The following PLCH1 variants were observed in gnomAD, a reference collection of about 807,000 sequenced individuals.
PLCH1 encodes 1-phosphatidylinositol 4,5-bisphosphate phosphodiesterase eta-1.
In PLCH1, 60 loss-of-function variants were observed where a neutral mutation model predicts 126.7. The observed-to-expected ratio is 0.47, with a 90% CI of 0.38 to 0.59. PLCH1 has a LOEUF of 0.59. Ranked by LOEUF, PLCH1 falls within the 20% of genes least tolerant of loss-of-function variation. The pLI is 0.00. For missense variants in PLCH1, 1,723 were observed against 2,040.0 expected (o/e 0.84, Z 2.99); for synonymous variants, 719 against 734.9 (o/e 0.98, Z 0.35).
chr3:155,704,948 A>G (rs1412185135), intron 1 of PLCH1, among the ~76,000 whole-genome samples: 1 of 152,214 alleles, frequency 6.6e-6, no homozygotes, highest in Non-Finnish European at 1.5e-5. Context: ...AACAACTTGA[A>G]AAGCAGAGAT....
chr3:155,485,056 A>G (rs986971015), intron 22 of PLCH1, among the ~76,000 whole-genome samples: 3 of 152,176 alleles, frequency 2.0e-5, no homozygotes, highest in South Asian at 2.1e-4. Flanking sequence ...TGGAAAATCA[A>G]TATTTCAAAT....
chr3:155,693,471 CAAAAAA>C (rs1227159940), intron 2 of PLCH1, among the ~76,000 whole-genome samples: 1 of 10,354 alleles, frequency 9.7e-5, no homozygotes, highest in Non-Finnish European at 1.3e-4. Flanking sequence ...GACTCCGTCT[CAAAAAA>C]AAAAAAAAAA....
chr3:155,591,074 C>T (rs189238805), intron 4 of PLCH1, among the ~76,000 whole-genome samples: 2 of 152,128 alleles, frequency 1.3e-5, no homozygotes, highest in East Asian at 3.9e-4. Context: ...AAACTTTTAA[C>T]CAACAAAGCA....
intron 2 of PLCH1, among the ~76,000 whole-genome samples, chr3:155,696,038 TGA>T (rs1745767744): frequency 6.6e-6 from 1 of 152,134 alleles, no homozygotes; most frequent in Non-Finnish European, 1.5e-5. Context: ...GATGGACATC[TGA>T]GTATTCGGCA....
chr3:155,571,888 G>A (rs1729279220), intron 6 of PLCH1, among the ~76,000 whole-genome samples: 1 of 152,176 alleles, frequency 6.6e-6, no homozygotes, highest in Non-Finnish European at 1.5e-5. Context: ...AATATATGGT[G>A]TTTAAATTAT....
At chr3:155,724,539 T>C (rs1208368087) in intron 1 of PLCH1, among the ~76,000 whole-genome samples, 2 of 152,222 alleles carry the variant, frequency 1.3e-5, no homozygotes, top group African/African-American at 4.8e-5. Context: ...AAGTTTGTTT[T>C]ATCTGATATA....
chr3:155,562,627 T>C (rs527343117), intron 8 of PLCH1, among the ~76,000 whole-genome samples: 1 of 152,316 alleles, frequency 6.6e-6, no homozygotes, highest in East Asian at 1.9e-4. Context: ...GAAATCAGCT[T>C]GGGCTTCCCT....
intron 12 of PLCH1, among the ~76,000 whole-genome samples, chr3:155,505,960 G>A (rs907281907): frequency 6.6e-6 from 1 of 151,484 alleles, no homozygotes. Flanking sequence ...TTCTAGTAGG[G>A]ACTATGCCAT....
intron 2 of PLCH1, among the ~76,000 whole-genome samples, chr3:155,681,369 C>T (rs1318351148): frequency 1.3e-5 from 2 of 152,116 alleles, no homozygotes; most frequent in Admixed American, 1.3e-4. Context: ...CCTTACAATG[C>T]CCTTTTGAGT....
chr3:155,734,457 C>T (rs997269155), intron 1 of PLCH1, among the ~76,000 whole-genome samples: 1 of 151,906 alleles, frequency 6.6e-6, no homozygotes, highest in Non-Finnish European at 1.5e-5. Context: ...GAGACCCTAT[C>T]TCAAAATAAA....
chr3:155,472,494 G>A lies in PLCH1; in HGVS notation c.2938+12862C>T, dbSNP rs1713314244. ...ATGGATTCACAGCCGAATTCTACCA[G>A]AGGTACAAGGAGGAACTGGTACCAT... On this transcript the variant is annotated intron_variant, in intron 21 of 21. Transcript: ENST00000494598. Among the ~76,000 whole-genome samples, 3 of 150,938 alleles carry A rather than the reference G, an allele frequency of 2.0e-5. No homozygotes were observed. In the East Asian group the frequency reaches 5.8e-4, roughly 29 times the overall value.
chr3:155,684,322 C>A (rs1012836942), intron 2 of PLCH1, among the ~76,000 whole-genome samples: 10 of 152,110 alleles, frequency 6.6e-5, no homozygotes, highest in Non-Finnish European at 1.5e-4. Context: ...AACACAACAG[C>A]CACATCTCTG....
intron 12 of PLCH1, among the ~76,000 whole-genome samples, chr3:155,512,332 A>G (rs1719690323): frequency 6.6e-6 from 1 of 152,190 alleles, no homozygotes; most frequent in Admixed American, 6.5e-5. Context: ...AACTTGGCAT[A>G]TACATAACGA....
rs765707080 is a variant in PLCH1 at position 155,482,848 on chromosome 3, A to G, written c.3178T>C (p.Ser1060Pro). 2 of 1,613,952 alleles carry G rather than the reference A, an allele frequency of 1.2e-6. No homozygotes were observed. The highest frequency in any genetic ancestry group is 2.7e-5 in the African/African-American group (2 of 74,948). Residue 1060 changes from serine (S) to proline (P), a missense_variant, in exon 23 of 23, where the codon TCA (serine) becomes CCA (proline). Physicochemically the swap from Ser to Pro is moderately conservative, Grantham distance 74 (BLOSUM62 -1). Coordinates refer to ENST00000460012, the MANE Select transcript of PLCH1 (RefSeq NM_014996.4). ...MSSPRGGRTT[S>P]NATSNCQENP... Reference sequence around the variant, plus strand: ...TCCTGGCAATTGCTTGTGGCATTTGATGTGGTTCTCCCACCCCTAGGACTT... The same window carrying G: ...TCCTGGCAATTGCTTGTGGCATTTGGTGTGGTTCTCCCACCCCTAGGACTT...
chr3:155,543,477 C>T (rs1467874850), intron 10 of PLCH1, among the ~76,000 whole-genome samples: 1 of 152,154 alleles, frequency 6.6e-6, no homozygotes, highest in Admixed American at 6.5e-5. Context: ...GGATATTATC[C>T]AGGAGAACTT....
intron 1 of PLCH1, among the ~76,000 whole-genome samples, chr3:155,739,737 A>AGTCTGTTCCACGTTC (rs1342632705): frequency 1.3e-5 from 2 of 152,234 alleles, no homozygotes; most frequent in Non-Finnish European, 2.9e-5. Flanking sequence ...TCAAATTCCA[A>AGTCTGTTCCACGTTC]GTCTGTTCCA....
intron 15 of PLCH1, among the ~76,000 whole-genome samples, chr3:155,495,593 A>T (rs1466787911): frequency 6.6e-6 from 1 of 152,176 alleles, no homozygotes; most frequent in East Asian, 1.9e-4. Context: ...GTTGAACTGT[A>T]TATGGTCTCG....
intron 12 of PLCH1, among the ~76,000 whole-genome samples, chr3:155,513,301 T>C (rs1487635545): frequency 6.6e-6 from 1 of 152,240 alleles, no homozygotes; most frequent in African/African-American, 2.4e-5. Flanking sequence ...TGAGTTTTGC[T>C]ACACTACCTC....
At chr3:155,484,714 C>T (rs1373951248) in intron 22 of PLCH1, among the ~76,000 whole-genome samples, 1 of 152,104 alleles carries the variant, frequency 6.6e-6, no homozygotes, top group East Asian at 1.9e-4. Context: ...TTATTGAGCT[C>T]CTGATATGAG....
Sources: gnomAD v4.1 joint callset for allele counts (sites outside exome capture counted in the v4.1 genomes callset) on GRCh38, gnomAD v4.1.1 for gene constraint, MANE v1.5 for transcripts, NCBI Gene and HGNC (gene_info 2026-07-23, HGNC 2026-07-21) for gene names.